Variants in WSB2 observed in about 807,000 individuals in gnomAD.
WSB2 encodes the protein WD repeat and SOCS box-containing protein 2.
In WSB2, 12 loss-of-function variants were observed where a neutral mutation model predicts 48.8. The observed-to-expected ratio is 0.25, with a 90% CI of 0.16 to 0.40. WSB2 has a LOEUF of 0.40. WSB2 is among the 10% of genes least tolerant of loss of function. The probability of loss-of-function intolerance (pLI) is 1.00; values close to 1 mark genes in which losing one functional copy is unlikely to be tolerated. For missense variants in WSB2, 317 were observed against 506.2 expected, an observed-to-expected ratio of 0.63 and a Z score of 3.59; for synonymous variants, 191 against 203.1, an observed-to-expected ratio of 0.94 and a Z score of 0.51.
rs374731610 is a variant in WSB2, at chr12:118,035,346, T to A, written c.834-22A>T. 3.7e-6 allele frequency: 6 copies of A among 1,608,118 alleles called. No individual in the cohort carries two copies. In the African/African-American group the frequency reaches 8.0e-5, roughly 22 times the overall value. Reference sequence around the variant, plus strand: ...GTGGCTGGGAAGGAAAGAAACAGGATGGCAGGCCTGGAGTGATGGCTGCTC... The same window carrying A: ...GTGGCTGGGAAGGAAAGAAACAGGAAGGCAGGCCTGGAGTGATGGCTGCTC... On this transcript the variant is annotated intron_variant, in intron 6 of 8. Transcript: ENST00000315436.
intron 1 of WSB2, among the ~76,000 whole-genome samples, chr12:118,058,701 T>C (rs1180905098): frequency 1.1e-5 from 1 of 94,764 alleles, no homozygotes; most frequent in Non-Finnish European, 2.2e-5. Context: ...TTTCTTCTTC[T>C]TTTTTTTTTT....
At chr12:118,034,943 C>CA (rs772928065) in intron 8 of WSB2, 43 bp downstream of exon 8, 2 of 1,580,778 alleles carry the variant, frequency 1.3e-6, no homozygotes, top group Non-Finnish European at 1.7e-6. Flanking sequence ...ATGGTATACT[C>CA]AGCAGAAAGC....
At chr12:118,046,802 C>G (rs1033861188) in intron 2 of WSB2, among the ~76,000 whole-genome samples, 1 of 152,182 alleles carries the variant, frequency 6.6e-6, no homozygotes, top group African/African-American at 2.4e-5. Flanking sequence ...GACAGGGTCT[C>G]TCTCTGGCAC....
chr12:118,054,681 A>AAATAATAAT (rs57072102), intron 1 of WSB2, among the ~76,000 whole-genome samples: 11 of 130,616 alleles, frequency 8.4e-5, no homozygotes, highest in African/African-American at 2.7e-4. Flanking sequence ...CTGTCTCAAA[A>AAATAATAAT]AATAATAATA....
At chr12:118,035,404 CA>C (rs2031488633) in intron 6 of WSB2, 80 bp from the exon 7 acceptor site, 5 of 1,284,966 alleles carry the variant, frequency 3.9e-6, no homozygotes, top group Non-Finnish European at 5.6e-6. Flanking sequence ...GGCAGGAAGC[CA>C]AACTGCCCTG....
chr12:118,043,370 T>C lies in WSB2; in HGVS notation c.190A>G (p.Lys64Glu), dbSNP rs766194417. 1.3e-6 allele frequency: 2 copies of C among 1,547,878 alleles called. No homozygotes were observed. The highest frequency in any genetic ancestry group is 2.3e-5 in the East Asian group (1 of 44,388). The change falls in exon 3 of 9, where the codon AAA becomes GAA. Residue 64 changes from lysine to glutamate, a missense_variant. Lys to Glu is a moderately conservative substitution (Grantham distance 56). Transcript: ENST00000315436. The part of the protein sequence containing the change: ...PWPLEEQFIP[K>E]GFEAKSRSSK... The stretch of plus-strand genomic sequence containing the variant: ...CTTCGGCTTTTGGCTTCAAACCCTT[T>C]AGGGATGCTGGGAGAAGCAGAGATT...
In WSB2 at chr12:118,043,761, A is replaced by G. The variant is rs1309555252; in HGVS notation, c.183-384T>C. ...CCCACCCGGCCACATAAGACTTTAA[A>G]TCCTAGAAACAAGCTGGCCTTCGGT... On this transcript the variant is annotated intron_variant, in intron 2 of 8. Coordinates refer to ENST00000315436, the MANE Select transcript of WSB2 (RefSeq NM_018639.5). 2.0e-5 allele frequency among the ~76,000 whole-genome samples: 3 copies of G among 152,022 alleles called. No individual in the cohort carries two copies. In the East Asian group the frequency reaches 5.8e-4, roughly 30 times the overall value.
In WSB2 at chr12:118,035,098, A is replaced by G; in HGVS notation, c.945-5T>C. On this transcript the variant is annotated splice_polypyrimidine_tract_variant and splice_region_variant and intron_variant, in intron 7 of 8. Coordinates refer to ENST00000315436, the MANE Select transcript of WSB2 (RefSeq NM_018639.5). ...AGGGCCCAGATCCTGAGGAGTCTGG[A>G]TGGGGAGAGAGAACATCTGGATATT... 1 of 1,614,060 alleles carries G rather than the reference A, an allele frequency of 6.2e-7. No individual in the cohort carries two copies. The highest frequency in any genetic ancestry group is 8.5e-7 in the Non-Finnish European group (1 of 1,179,918).
chr12:118,042,501 T>C (rs1200180615), intron 4 of WSB2: 1 of 239,316 alleles, frequency 4.2e-6, no homozygotes, highest in Non-Finnish European at 8.2e-6. Context: ...CCCAAGAGGG[T>C]ACAAACTAGT....
At chr12:118,036,253 G>C (rs2031506904) in intron 6 of WSB2, 85 bp downstream of exon 6, 2 of 1,457,536 alleles carry the variant, frequency 1.4e-6, no homozygotes, top group Non-Finnish European at 1.9e-6. Flanking sequence ...CCATGTCCCA[G>C]ATTCTAAAAG....
chr12:118,058,459 C>G (rs555041266), intron 1 of WSB2, among the ~76,000 whole-genome samples: 1 of 151,718 alleles, frequency 6.6e-6, no homozygotes, highest in South Asian at 2.1e-4. Flanking sequence ...GATGATCCTC[C>G]CATCTCAGCC....
intron 4 of WSB2, chr12:118,042,320 C>T (rs922748484): frequency 6.5e-6 from 1 of 153,686 alleles, no homozygotes; most frequent in Non-Finnish European, 1.4e-5. Context: ...TTTTGCTTGT[C>T]ACAACTGGAG....
At chr12:118,055,449 G>A (rs2031937701) in intron 1 of WSB2, among the ~76,000 whole-genome samples, 2 of 152,106 alleles carry the variant, frequency 1.3e-5, no homozygotes, top group African/African-American at 4.8e-5. Context: ...TGGATGGCCT[G>A]GGGTAGTGGC....
intron 2 of WSB2, 136 bp downstream of exon 2, chr12:118,052,174 G>A: frequency 8.0e-7 from 1 of 1,250,044 alleles, no homozygotes. Context: ...AGAACTTGGG[G>A]CTCTGGAAAC....
At chr12:118,042,621 G>GAC in intron 4 of WSB2, 1 of 574,008 alleles carries the variant, frequency 1.7e-6, no homozygotes, top group South Asian at 2.4e-5. Context: ...AGCCTAAATA[G>GAC]ACACACAGTA....
rs1245106632 is a variant in WSB2 at position 118,047,264 on chromosome 12, G to A, written c.183-3887C>T. Among the ~76,000 whole-genome samples the A allele has an allele frequency of 3.9e-5, 6 of 152,194 alleles. No individual in the cohort carries two copies. The East Asian group carries it at 9.6e-4, about 24-fold the overall frequency. ...GGGCAGAACTGGAACTAAGGTCTTA[G>A]GTATCCTGGCCTAATGCTCAACAAA... On this transcript the variant is annotated intron_variant, in intron 2 of 8. Coordinates refer to ENST00000315436, the MANE Select transcript of WSB2 (RefSeq NM_018639.5).
At position 118,060,946 on chromosome 12, in the gene WSB2, C is replaced by G; in HGVS notation, c.13+90G>C. ...GCGTCCAGCCCCCGCCCCACCCCGC[C>G]CAGCCCGCCCCGGGGTCGCCTCCCC... On this transcript the variant is annotated intron_variant, in intron 1 of 8. Coordinates refer to ENST00000315436, the MANE Select transcript of WSB2 (RefSeq NM_018639.5). This position sits in a 1 kb window ranked among gnomAD's most constrained non-coding sequence, Gnocchi z 4.1. 2 of 606,406 alleles carry G rather than the reference C, an allele frequency of 3.3e-6. No homozygotes were observed. The highest frequency in any genetic ancestry group is 4.1e-6 in the Non-Finnish European group (2 of 483,238). 37.6% of individuals were successfully genotyped at this position (606,406 alleles called of 1,614,324 possible).
intron 1 of WSB2, among the ~76,000 whole-genome samples, chr12:118,058,200 T>C (rs564627687): frequency 1.3e-5 from 2 of 152,302 alleles, no homozygotes; most frequent in East Asian, 3.9e-4. Flanking sequence ...TGATTTTTCC[T>C]GTATCAGGAC....
chr12:118,037,205 G>A (rs554887297), intron 5 of WSB2, among the ~76,000 whole-genome samples: 1 of 151,860 alleles, frequency 6.6e-6, no homozygotes, highest in Non-Finnish European at 1.5e-5. Flanking sequence ...GGTCAGAAGT[G>A]AAATCTGCGG....
Sources: gnomAD v4.1 joint callset for allele counts (sites outside exome capture counted in the v4.1 genomes callset) on GRCh38, gnomAD v4.1.1 for gene constraint, Gnocchi (gnomAD v3.1) non-coding constraint, MANE v1.5 for transcripts, NCBI Gene and HGNC (gene_info 2026-07-23, HGNC 2026-07-21) for gene names.